SLC6A13: variants seen among roughly 807,000 people sequenced by gnomAD.
The protein encoded by SLC6A13 is solute carrier family 6 member 13.
In SLC6A13, 69 loss-of-function variants were observed where a neutral mutation model predicts 72.9. The ratio of observed to expected loss-of-function variants is 0.95; its 90% CI spans 0.78 to 1.16. The LOEUF is 1.16. Among genes scored for constraint, SLC6A13 ranks in the 50% most tolerant of loss-of-function variants. The pLI is 0.00. For missense variants in SLC6A13, 735 were observed against 760.5 expected (o/e 0.97, Z 0.39); for synonymous variants, 303 against 303.0 (o/e 1.00, Z 0.00).
intron 2 of SLC6A13, among the ~76,000 whole-genome samples, chr12:256,301 T>C (rs574137076): frequency 6.6e-6 from 1 of 152,170 alleles, no homozygotes; most frequent in African/African-American, 2.4e-5. Context: ...TGCTGGTGAA[T>C]GACACAGGCT....
intron 2 of SLC6A13, among the ~76,000 whole-genome samples, chr12:250,830 CCCCAAA>C (rs1258184925): frequency 2.2e-4 from 1 of 4,598 alleles, no homozygotes; most frequent in East Asian, 2.0e-3. Context: ...CAAAATAGCC[CCCCAAA>C]AAAAAAAAAA....
intron 2 of SLC6A13, among the ~76,000 whole-genome samples, chr12:244,193 G>A (rs1343973879): frequency 6.6e-6 from 1 of 152,208 alleles, no homozygotes; most frequent in African/African-American, 2.4e-5. Flanking sequence ...TGCTCTTAAC[G>A]TCAGGTAGTC....
intron 7 of SLC6A13, among the ~76,000 whole-genome samples, chr12:233,197 C>T (rs1373672120): frequency 1.3e-5 from 2 of 152,232 alleles, no homozygotes; most frequent in African/African-American, 2.4e-5. Context: ...GGTCTCTGCA[C>T]CCAGGAGGCA....
chr12:237,533 C>G (rs746562519), intron 5 of SLC6A13, among the ~76,000 whole-genome samples: 1 of 152,084 alleles, frequency 6.6e-6, no homozygotes, highest in African/African-American at 2.4e-5. Flanking sequence ...GGTGCAGGCA[C>G]CTATGTTTCC....
chr12:238,748 C>G (rs907467836), intron 4 of SLC6A13, among the ~76,000 whole-genome samples: 1 of 152,108 alleles, frequency 6.6e-6, no homozygotes, highest in Non-Finnish European at 1.5e-5. Flanking sequence ...CATGAATGAC[C>G]AAGTGTAGGC....
At chr12:227,844 G>A (rs1327444403) in intron 7 of SLC6A13, among the ~76,000 whole-genome samples, 176 bp from the exon 8 acceptor site, 2 of 152,160 alleles carry the variant, frequency 1.3e-5, no homozygotes, top group African/African-American at 4.8e-5. Context: ...CTACTCCCTG[G>A]ACTCCTAGGT....
chr12:220,871 T>G lies in SLC6A13; in HGVS notation c.*77A>C, dbSNP rs969270499. On this transcript the variant is annotated 3_prime_UTR_variant, in exon 15 of 15. Transcript: ENST00000343164. Reference sequence around the variant, plus strand: ...TCCAGGTCGGGGGCAGGGAAGCACATGGGGCTGCTTCTGCCACGTTCCCTC... The same window carrying G: ...TCCAGGTCGGGGGCAGGGAAGCACAGGGGGCTGCTTCTGCCACGTTCCCTC... 3 of 1,570,770 alleles carry G rather than the reference T, an allele frequency of 1.9e-6. No individual in the cohort carries two copies. The highest frequency in any genetic ancestry group is 2.3e-5 in the East Asian group (1 of 44,212).
At chr12:228,364 A>T (rs1941556504) in intron 7 of SLC6A13, among the ~76,000 whole-genome samples, 1 of 152,050 alleles carries the variant, frequency 6.6e-6, no homozygotes, top group Non-Finnish European at 1.5e-5. Flanking sequence ...AGGCAACAGG[A>T]CCGAGCGACC....
At chr12:251,167 A>AC (rs1357753690) in intron 2 of SLC6A13, among the ~76,000 whole-genome samples, 4 of 148,766 alleles carry the variant, frequency 2.7e-5, no homozygotes, top group African/African-American at 9.9e-5. Context: ...AAAAAAAACA[A>AC]AAAAAAAAAA....
At chr12:245,694 GA>G (rs1329572423) in intron 2 of SLC6A13, among the ~76,000 whole-genome samples, 1 of 150,808 alleles carries the variant, frequency 6.6e-6, no homozygotes, top group Admixed American at 6.6e-5. Context: ...AAAAAAGAAA[GA>G]AAGAAAAGGC....
intron 5 of SLC6A13, 100 bp downstream of exon 5, chr12:237,826 T>C: frequency 1.1e-6 from 1 of 879,054 alleles, no homozygotes; most frequent in South Asian, 1.5e-5. Flanking sequence ...GTGGAAATTC[T>C]TCCCTTGCTG....
Position 222,639 on chromosome 12 carries a change from T to C in SLC6A13, c.1415-7A>G, listed in dbSNP as rs575934951. On this transcript the variant is annotated splice_polypyrimidine_tract_variant and splice_region_variant and intron_variant, in intron 12 of 14. Transcript: ENST00000343164. ...TCGTAGAAGCGCTTGGCTCCTACCA[T>C]GGAGAAAAGAAGAAGGAAGGAGGAG... is the stretch of plus-strand genomic sequence containing the variant. The C allele has an allele frequency of 7.6e-6, 12 of 1,583,242 alleles. No individual in the cohort carries two copies. In the African/African-American group the frequency reaches 1.6e-4, roughly 21 times the overall value.
chr12:235,125 G>C lies in SLC6A13; in HGVS notation c.796C>G (p.Leu266Val). ...CACAGACGCGTGAGGTTTGGGTACA[G>C]GTAAAACTGAATTCCTTGGGCTGCC... ...PGAAQGIQFYLYPNLTRLWDP... is the reference protein window; with the variant it reads ...PGAAQGIQFYVYPNLTRLWDP... The change falls in exon 7 of 15, where the codon CTG becomes GTG. Residue 266 changes from leucine to valine, a missense_variant. Physicochemically the swap from Leu to Val is conservative, Grantham distance 32 (BLOSUM62 1). Transcript: ENST00000343164. The C allele has an allele frequency of 6.2e-7, 1 of 1,614,216 alleles. No individual in the cohort carries two copies.
At chr12:235,499 T>C (rs1451865680) in intron 6 of SLC6A13, among the ~76,000 whole-genome samples, 1 of 152,232 alleles carries the variant, frequency 6.6e-6, no homozygotes, top group Non-Finnish European at 1.5e-5. Flanking sequence ...TTCTTATGCC[T>C]GTCTTTACTT....
chr12:248,511 C>T (rs996017763), intron 2 of SLC6A13, among the ~76,000 whole-genome samples: 10 of 151,306 alleles, frequency 6.6e-5, no homozygotes, highest in Non-Finnish European at 1.5e-4. Flanking sequence ...AAGAATATTA[C>T]CAAGGGTAAA....
intron 4 of SLC6A13, among the ~76,000 whole-genome samples, chr12:241,519 A>AT (rs1189008406): frequency 3.9e-5 from 6 of 152,198 alleles, no homozygotes. Flanking sequence ...TTAACATTCA[A>AT]TGCAAATGTT....
At position 226,395 on chromosome 12, in the gene SLC6A13, T is replaced by G. The variant is rs765397084; in HGVS notation, c.1055A>C (p.Glu352Ala). Reference sequence around the variant, plus strand: ...GCCTCCCCAGTAACACTCACCTGACTCGGCCACCTCAGAAATGGGCACCCC... The same window carrying G: ...GCCTCCCCAGTAACACTCACCTGACGCGGCCACCTCAGAAATGGGCACCCC... ...EQGVPISEVA[E>A]SGPGLAFIAY... The change falls in exon 9 of 15, where the codon GAG becomes GCG. Residue 352 changes from glutamate to alanine, a missense_variant. Glu to Ala is a moderately radical substitution (Grantham distance 107, BLOSUM62 -1). Coordinates refer to ENST00000343164, the MANE Select transcript of SLC6A13 (RefSeq NM_016615.5). The G allele has an allele frequency of 1.9e-6, 3 of 1,613,866 alleles. No individual in the cohort carries two copies. The highest frequency in any genetic ancestry group is 1.7e-5 in the Admixed American group (1 of 60,016).
intron 7 of SLC6A13, 94 bp downstream of exon 7, chr12:234,996 G>T: frequency 7.0e-7 from 1 of 1,435,392 alleles, no homozygotes; most frequent in Non-Finnish European, 9.7e-7. Flanking sequence ...CTAGGGTAGT[G>T]CTAGGTGCGG....
chr12:243,899 G>T, intron 2 of SLC6A13, 86 bp from the exon 3 acceptor site: 3 of 1,338,208 alleles, frequency 2.2e-6, no homozygotes, highest in East Asian at 2.4e-5. Flanking sequence ...AACCCATACT[G>T]CCAGTCAGAA....
Sources: allele counts gnomAD v4.1 joint callset (sites outside exome capture counted in the v4.1 genomes callset), GRCh38; gene constraint gnomAD v4.1.1; transcripts MANE v1.5; gene names NCBI Gene and HGNC (gene_info 2026-07-23, HGNC 2026-07-21).